Variants in YPEL2 observed in about 807,000 individuals in gnomAD.
YPEL2 encodes the protein protein yippee-like 2.
Under a neutral mutation model 19.1 loss-of-function variants are expected in YPEL2, and 2 were observed. The observed-to-expected ratio is 0.10, with a 90% CI of 0.04 to 0.33. The LOEUF is 0.33. Ranked by LOEUF, YPEL2 falls within the 10% of genes least tolerant of loss-of-function variation. YPEL2 has a pLI of 1.00. For synonymous variants in YPEL2, 52 were observed against 50.0 expected (o/e 1.04, Z -0.17); for missense variants, 66 against 140.7 (o/e 0.47, Z 2.68).
chr17:59,400,319 AAAATATACTTTTGT>A lies in YPEL2; in HGVS notation c.*3135_*3148del, dbSNP rs2048064014. 1.3e-5 allele frequency: 2 copies of A among 152,646 alleles called. No homozygotes were observed. Among genetic ancestry groups the A allele is most frequent in the African/African-American group, 4.8e-5 (2 of 41,452 alleles). The allele number at this position is 152,646 out of a possible 1,614,324, so 9.5% of individuals were successfully genotyped here. On this transcript the variant is annotated 3_prime_UTR_variant, in exon 5 of 5. Coordinates refer to ENST00000312655, the MANE Select transcript of YPEL2 (RefSeq NM_001005404.4). The stretch of plus-strand genomic sequence containing the variant: ...ATATATAAAAGAAACAGTTGCTTGT[AAAATATACTTTTGT>A]AAATAATATTTAATTTTTTAAATAA...
intron 2 of YPEL2, among the ~76,000 whole-genome samples, chr17:59,382,596 G>A (rs1269745429): frequency 6.6e-6 from 1 of 152,098 alleles, no homozygotes; most frequent in Non-Finnish European, 1.5e-5. Context: ...TACATTGTAA[G>A]CATACAATTT....
chr17:59,348,293 C>T (rs963364495), intron 1 of YPEL2, among the ~76,000 whole-genome samples: 2 of 152,250 alleles, frequency 1.3e-5, no homozygotes, highest in African/African-American at 4.8e-5. Flanking sequence ...GTAGAGAGTC[C>T]CACTTCTCAG....
At chr17:59,342,731 G>A (rs558908946) in intron 1 of YPEL2, among the ~76,000 whole-genome samples, 3 of 152,352 alleles carry the variant, frequency 2.0e-5, no homozygotes, top group African/African-American at 4.8e-5. Flanking sequence ...TGGCTCTCTC[G>A]TCTGCATAGT....
In YPEL2 at chr17:59,381,485, A is replaced by G. The variant is rs142480155; in HGVS notation, c.118-6842A>G. Among the ~76,000 whole-genome samples the G allele has an allele frequency of 9.5e-3, 1,445 of 152,298 alleles. 22 individuals carry two copies. Among genetic ancestry groups the G allele is most frequent in the South Asian group, 0.013 (62 of 4,826 alleles). ...AAGGTGAGGACCTGTATCTATCACC[A>G]GGGGGAAGAAACTCACACATTTGCT... On this transcript the variant is annotated intron_variant, in intron 2 of 4. Coordinates refer to ENST00000312655, the MANE Select transcript of YPEL2 (RefSeq NM_001005404.4).
chr17:59,347,702 A>G (rs1489144350), intron 1 of YPEL2, among the ~76,000 whole-genome samples: 1 of 152,180 alleles, frequency 6.6e-6, no homozygotes, highest in Non-Finnish European at 1.5e-5. Flanking sequence ...GCCTTGTCTC[A>G]TCTTGAAAAG....
intron 1 of YPEL2, among the ~76,000 whole-genome samples, chr17:59,337,432 G>A (rs1024275376): frequency 6.6e-6 from 1 of 151,792 alleles, no homozygotes; most frequent in East Asian, 1.9e-4. Flanking sequence ...CTCGTGATCC[G>A]CCCGCCTCGG....
At chr17:59,360,809 A>G (rs1012594105) in intron 2 of YPEL2, among the ~76,000 whole-genome samples, 4 of 152,162 alleles carry the variant, frequency 2.6e-5, no homozygotes, top group South Asian at 2.1e-4. Context: ...TCAGGATGAA[A>G]AGAGCCATGA....
At chr17:59,379,298 T>C (rs1303802715) in intron 2 of YPEL2, among the ~76,000 whole-genome samples, 4 of 150,812 alleles carry the variant, frequency 2.7e-5, no homozygotes, top group Non-Finnish European at 5.9e-5. Flanking sequence ...TCCAACTCTT[T>C]GGAATGGAAC....
At chr17:59,393,142 T>G (rs961172711) in intron 4 of YPEL2, among the ~76,000 whole-genome samples, 3 of 152,120 alleles carry the variant, frequency 2.0e-5, no homozygotes, top group African/African-American at 7.2e-5. Context: ...GGCTATTGAT[T>G]TATTTTATTT....
At chr17:59,387,493 T>G (rs951817700) in intron 2 of YPEL2, among the ~76,000 whole-genome samples, 7 of 151,932 alleles carry the variant, frequency 4.6e-5, no homozygotes, top group African/African-American at 1.7e-4. Flanking sequence ...ACATTAAAAA[T>G]GCAGGCGGCA....
intron 2 of YPEL2, among the ~76,000 whole-genome samples, chr17:59,370,499 G>C (rs183661525): frequency 1.2e-3 from 184 of 152,278 alleles, no homozygotes; most frequent in African/African-American, 4.3e-3. Context: ...TGTAAATTCA[G>C]GCCTGATCTC....
intron 1 of YPEL2, among the ~76,000 whole-genome samples, chr17:59,336,560 A>T (rs1324957891): frequency 2.0e-5 from 3 of 152,212 alleles, no homozygotes; most frequent in Non-Finnish European, 2.9e-5. Context: ...CCTTATTTTT[A>T]AAATGGTACT....
chr17:59,337,121 T>G (rs1303584944), intron 1 of YPEL2, among the ~76,000 whole-genome samples: 1 of 152,176 alleles, frequency 6.6e-6, no homozygotes, highest in East Asian at 1.9e-4. Context: ...TTATAAGGGT[T>G]TATATTGTTG....
intron 1 of YPEL2, among the ~76,000 whole-genome samples, chr17:59,345,698 C>G (rs926837196): frequency 1.3e-5 from 2 of 152,070 alleles, no homozygotes; most frequent in African/African-American, 4.8e-5. Flanking sequence ...ACCTGGGGGA[C>G]GGGAACGCCA....
At chr17:59,364,890 C>T (rs2047860897) in intron 2 of YPEL2, among the ~76,000 whole-genome samples, 1 of 152,164 alleles carries the variant, frequency 6.6e-6, no homozygotes, top group Non-Finnish European at 1.5e-5. Context: ...CCTCGGCCTC[C>T]CAAAGTGCTG....
At chr17:59,388,257 T>C (rs1165604378) in intron 2 of YPEL2, 70 bp from the exon 3 acceptor site, 8 of 1,478,320 alleles carry the variant, frequency 5.4e-6, no homozygotes, top group Non-Finnish European at 7.6e-6. Flanking sequence ...TTAACTGTGA[T>C]TGGGGTTGGT....
At chr17:59,357,770 C>A (rs2047820205) in intron 2 of YPEL2, among the ~76,000 whole-genome samples, 1 of 152,002 alleles carries the variant, frequency 6.6e-6, no homozygotes, top group African/African-American at 2.4e-5. Flanking sequence ...TCCTGCCAAC[C>A]CCTTGATGGC....
chr17:59,350,662 A>G (rs2047783196), intron 1 of YPEL2, among the ~76,000 whole-genome samples: 1 of 152,256 alleles, frequency 6.6e-6, no homozygotes. Flanking sequence ...GCTTTGAATA[A>G]GTTTCGGGAT....
chr17:59,340,104 T>C (rs1342202611), intron 1 of YPEL2, among the ~76,000 whole-genome samples: 1 of 151,358 alleles, frequency 6.6e-6, no homozygotes, highest in Non-Finnish European at 1.5e-5. Flanking sequence ...ACTAATTTTG[T>C]GGAACTTTTT....
Sources: gnomAD v4.1 joint callset for allele counts (sites outside exome capture counted in the v4.1 genomes callset) on GRCh38, gnomAD v4.1.1 for gene constraint, MANE v1.5 for transcripts, NCBI Gene and HGNC (gene_info 2026-07-23, HGNC 2026-07-21) for gene names.